The following TIGAR variants were observed in gnomAD, a reference collection of about 807,000 sequenced individuals.
TIGAR encodes the protein TP53 induced glycolysis regulatory phosphatase, also known as fructose-2,6-bisphosphatase TIGAR.
Under a neutral mutation model 17.9 loss-of-function variants are expected in TIGAR, and 7 were observed. That is an observed-to-expected ratio of 0.39 (90% CI 0.22 to 0.73). The LOEUF (loss-of-function observed/expected upper bound fraction) is 0.73. Among genes scored for constraint, TIGAR ranks in the 30% least tolerant of loss-of-function variants. The pLI is 0.42. For synonymous variants in TIGAR, 94 were observed against 108.6 expected (o/e 0.87, Z 0.84); for missense variants, 258 against 327.4 (o/e 0.79, Z 1.64).
At position 4,358,975 on chromosome 12, in the gene TIGAR, T is replaced by G. The variant is rs1864944478; in HGVS notation, c.*6284T>G. On this transcript the variant is annotated 3_prime_UTR_variant, in exon 6 of 6. Transcript: ENST00000179259. ...CATTATTAGATTTGGATTGTATACT[T>G]TTGTCAGAAGCAGCCCAGAAAGGAT... 1.3e-5 allele frequency among the ~76,000 whole-genome samples: 2 copies of G among 152,186 alleles called. No homozygotes were observed. The highest frequency in any genetic ancestry group is 4.8e-5 in the African/African-American group (2 of 41,458).
intron 1 of TIGAR, among the ~76,000 whole-genome samples, chr12:4,323,611 TAGG>T (rs1168024829): frequency 1.3e-5 from 2 of 152,198 alleles, no homozygotes; most frequent in African/African-American, 2.4e-5. Context: ...GTTGAGGAAG[TAGG>T]AGTTTAACCA....
At chr12:4,339,494 C>T (rs1323215785) in intron 3 of TIGAR, among the ~76,000 whole-genome samples, 1 of 152,194 alleles carries the variant, frequency 6.6e-6, no homozygotes, top group Non-Finnish European at 1.5e-5. Flanking sequence ...ACCAATCCTA[C>T]TGAAACTATT....
chr12:4,345,850 A>G (rs1378115687), intron 3 of TIGAR, among the ~76,000 whole-genome samples: 3 of 152,264 alleles, frequency 2.0e-5, no homozygotes, highest in Middle Eastern at 6.3e-3. Context: ...AAATTTTTCC[A>G]ATCTACTCAT....
chr12:4,339,479 C>G (rs1171398594), intron 3 of TIGAR, among the ~76,000 whole-genome samples: 2 of 152,158 alleles, frequency 1.3e-5, no homozygotes, highest in Non-Finnish European at 2.9e-5. Flanking sequence ...ATCTAAAGTA[C>G]TAATACCAAT....
At chr12:4,324,614 C>T (rs570060703) in intron 1 of TIGAR, 16 of 1,545,342 alleles carry the variant, frequency 1.0e-5, no homozygotes, top group African/African-American at 2.7e-5. Flanking sequence ...GGCGGTGCCT[C>T]CTTCTTGGCC....
intron 2 of TIGAR, among the ~76,000 whole-genome samples, chr12:4,334,772 C>G (rs967420507): frequency 2.6e-5 from 4 of 152,180 alleles, no homozygotes; most frequent in African/African-American, 9.7e-5. Context: ...TGATGATTCT[C>G]TCAGCACTTG....
At chr12:4,338,217 G>A (rs182438528) in intron 3 of TIGAR, among the ~76,000 whole-genome samples, 4 of 152,194 alleles carry the variant, frequency 2.6e-5, no homozygotes, top group Non-Finnish European at 2.9e-5. Context: ...TGTGAGTGAG[G>A]TATTGTTGGA....
intron 2 of TIGAR, among the ~76,000 whole-genome samples, chr12:4,336,768 A>G (rs527685145): frequency 1.3e-5 from 2 of 152,278 alleles, no homozygotes; most frequent in East Asian, 3.9e-4. Flanking sequence ...GGCAAACATA[A>G]AAGAGGGAAA....
chr12:4,352,659 GA>G lies in TIGAR; in HGVS notation c.782del (p.Asp261ValfsTer3). On this transcript the variant is annotated frameshift_variant, in exon 6 of 6. Transcript: ENST00000179259. LOFTEE classifies it low-confidence loss of function (END_TRUNC). ...TVQCICMNLQDHLNGLTETR is the reference protein window; with the variant it reads ...TVQCICMNLQXHLNGLTETR ...TCAGTGTATTTGTATGAACCTACAG[GA>G]TCATCTAAATGGACTGACTGAAACT... is the stretch of plus-strand genomic sequence containing the variant. The G allele has an allele frequency of 6.2e-7, 1 of 1,603,194 alleles. No homozygotes were observed. Among genetic ancestry groups the G allele is most frequent in the Non-Finnish European group, 8.5e-7 (1 of 1,179,932 alleles).
At chr12:4,328,887 TTTTA>T (rs1284965407) in intron 1 of TIGAR, among the ~76,000 whole-genome samples, 1 of 152,192 alleles carries the variant, frequency 6.6e-6, no homozygotes, top group Non-Finnish European at 1.5e-5. Flanking sequence ...TTCTGTGTAA[TTTTA>T]TTTCTTTATC....
At chr12:4,322,060 A>C (rs1204997183) in intron 1 of TIGAR, among the ~76,000 whole-genome samples, 1 of 151,736 alleles carries the variant, frequency 6.6e-6, no homozygotes, top group South Asian at 2.1e-4. Flanking sequence ...CAGTGGCGCT[A>C]TCTCTGCTCA....
Position 4,321,609 on chromosome 12 carries a change from G to T in TIGAR, c.32+306G>T, listed in dbSNP as rs1246969651. ...GGCACTTGGTGGCTGCACCAAAAACGGTGCCAGACATGTCCACAGACTTGT... is the reference window on the plus strand; with the variant it reads ...GGCACTTGGTGGCTGCACCAAAAACTGTGCCAGACATGTCCACAGACTTGT... On this transcript the variant is annotated intron_variant, in intron 1 of 5. Coordinates refer to ENST00000179259, the MANE Select transcript of TIGAR (RefSeq NM_020375.3). The surrounding 1 kb of genome is among the most constrained non-coding windows in gnomAD (Gnocchi z 5.2). Among the ~76,000 whole-genome samples, 1 of 152,158 alleles carries T rather than the reference G, an allele frequency of 6.6e-6. No individual in the cohort carries two copies. The highest frequency in any genetic ancestry group is 1.5e-5 in the Non-Finnish European group (1 of 68,028).
At chr12:4,331,778 C>T (rs1235372100) in intron 2 of TIGAR, among the ~76,000 whole-genome samples, 5 of 152,134 alleles carry the variant, frequency 3.3e-5, no homozygotes, top group Non-Finnish European at 7.4e-5. Context: ...TGAAGAGATT[C>T]TTTCTCCCTT....
chr12:4,336,402 GT>G (rs1165733770), intron 2 of TIGAR, among the ~76,000 whole-genome samples: 1 of 150,144 alleles, frequency 6.7e-6, no homozygotes, highest in Non-Finnish European at 1.5e-5. Flanking sequence ...GCTTTACTTT[GT>G]CCCTTGGAGA....
intron 1 of TIGAR, among the ~76,000 whole-genome samples, chr12:4,326,023 G>A (rs1046346572): frequency 2.0e-5 from 3 of 152,292 alleles, no homozygotes; most frequent in East Asian, 1.9e-4. Context: ...ATGCTGCAGC[G>A]TATAAATCCA....
intron 3 of TIGAR, among the ~76,000 whole-genome samples, 180 bp from the exon 4 acceptor site, chr12:4,349,639 G>C (rs1484306141): frequency 6.6e-6 from 1 of 151,990 alleles, no homozygotes; most frequent in Admixed American, 6.6e-5. Context: ...GGATGGTCTC[G>C]ATCTCCTGAC....
At chr12:4,343,379 A>G (rs1271487268) in intron 3 of TIGAR, among the ~76,000 whole-genome samples, 1 of 152,190 alleles carries the variant, frequency 6.6e-6, no homozygotes, top group Non-Finnish European at 1.5e-5. Flanking sequence ...TGCACCAAGC[A>G]CACCTAATAG....
In TIGAR at chr12:4,357,421, C is replaced by T. The variant is rs1428059436; in HGVS notation, c.*4730C>T. On this transcript the variant is annotated 3_prime_UTR_variant, in exon 6 of 6. Transcript: ENST00000179259. ...TAGAGCGGTGGTGCTGGGCTGAGTA[C>T]CTGCTATCAGACGCAGCACTTACCA... Among the ~76,000 whole-genome samples the T allele has an allele frequency of 6.6e-6, 1 of 152,084 alleles. No individual in the cohort carries two copies. Among genetic ancestry groups the T allele is most frequent in the East Asian group, 1.9e-4 (1 of 5,196 alleles).
At chr12:4,335,186 C>T (rs187769344) in intron 2 of TIGAR, among the ~76,000 whole-genome samples, 1 of 152,076 alleles carries the variant, frequency 6.6e-6, no homozygotes, top group East Asian at 1.9e-4. Context: ...TACAGGCGTG[C>T]TCCACCATGC....
Sources: allele counts gnomAD v4.1 joint callset (sites outside exome capture counted in the v4.1 genomes callset), GRCh38; gene constraint gnomAD v4.1.1; non-coding constraint Gnocchi (gnomAD v3.1); transcripts MANE v1.5; gene names NCBI Gene and HGNC (gene_info 2026-07-23, HGNC 2026-07-21).